Variants in CNTN6 observed in about 807,000 individuals in gnomAD.
CNTN6 encodes contactin 6, also known as contactin-6.
Under a neutral mutation model 122.8 loss-of-function variants are expected in CNTN6, and 137 were observed. That is an observed-to-expected ratio of 1.12 (90% CI 0.97 to 1.29). The LOEUF (loss-of-function observed/expected upper bound fraction) is 1.29, where lower values mean the gene tolerates loss of function less well. CNTN6 is among the 50% of genes most tolerant of loss of function. CNTN6 has a pLI of 0.00. For synonymous variants in CNTN6, 570 were observed against 426.0 expected (o/e 1.34, Z -4.16); for missense variants, 1,634 against 1,223.4 (o/e 1.34, Z -5.01).
chr3:1,216,635 A>G (rs1276773284), intron 2 of CNTN6, among the ~76,000 whole-genome samples: 1 of 152,222 alleles, frequency 6.6e-6, no homozygotes, highest in African/African-American at 2.4e-5. Context: ...ATCAGAGAAC[A>G]AGAGTGGTGA....
intron 1 of CNTN6, among the ~76,000 whole-genome samples, chr3:1,108,009 G>T (rs1054470943): frequency 7.2e-5 from 11 of 152,022 alleles, no homozygotes; most frequent in African/African-American, 2.7e-4. Context: ...AAGGCTCTGG[G>T]TGTTAATGTC....
At chr3:1,129,068 G>A (rs1265832898) in intron 1 of CNTN6, among the ~76,000 whole-genome samples, 1 of 152,016 alleles carries the variant, frequency 6.6e-6, no homozygotes, top group African/African-American at 2.4e-5. Context: ...AAGGGTGTTA[G>A]AATACTAATG....
chr3:1,308,144 A>C (rs1418866364), intron 7 of CNTN6, among the ~76,000 whole-genome samples: 1 of 152,096 alleles, frequency 6.6e-6, no homozygotes, highest in East Asian at 1.9e-4. Context: ...ACTGACTCAC[A>C]TATAATTATT....
intron 20 of CNTN6, among the ~76,000 whole-genome samples, chr3:1,393,463 C>T (rs141607426): frequency 0.097 from 13,217 of 136,046 alleles, 812 homozygotes; most frequent in Non-Finnish European, 0.14. Flanking sequence ...TGCTAGATGA[C>T]GAGTTAGTGG....
intron 4 of CNTN6, among the ~76,000 whole-genome samples, chr3:1,266,131 A>G (rs1009112604): frequency 6.6e-5 from 10 of 152,142 alleles, no homozygotes; most frequent in African/African-American, 2.2e-4. Flanking sequence ...ATCAACATTA[A>G]AAATGATGAC....
chr3:1,164,162 T>C (rs1166722549), intron 2 of CNTN6, among the ~76,000 whole-genome samples: 1 of 152,214 alleles, frequency 6.6e-6, no homozygotes, highest in Non-Finnish European at 1.5e-5. Context: ...TCGTCCTCTG[T>C]TTCCTTCTTC....
At chr3:1,387,580 C>G (rs971863594) in intron 20 of CNTN6, among the ~76,000 whole-genome samples, 3 of 152,030 alleles carry the variant, frequency 2.0e-5, no homozygotes, top group African/African-American at 7.2e-5. Flanking sequence ...GCCAAGATGG[C>G]CGAATAGGAA....
At chr3:1,384,126 C>A (rs1222131737) in intron 19 of CNTN6, among the ~76,000 whole-genome samples, 1 of 152,188 alleles carries the variant, frequency 6.6e-6, no homozygotes, top group Non-Finnish European at 1.5e-5. Context: ...GATGAGTAAG[C>A]TCTAAAGATC....
chr3:1,394,745 A>T (rs1694771933), intron 20 of CNTN6, among the ~76,000 whole-genome samples: 1 of 152,190 alleles, frequency 6.6e-6, no homozygotes, highest in African/African-American at 2.4e-5. Flanking sequence ...AAATTTTTTC[A>T]GTTGACCCAA....
intron 1 of CNTN6, among the ~76,000 whole-genome samples, chr3:1,105,203 G>A (rs996863444): frequency 5.9e-5 from 9 of 152,064 alleles, no homozygotes; most frequent in African/African-American, 1.4e-4. Context: ...AATACTCTCC[G>A]ATTGGATTAC....
chr3:1,338,635 C>A (rs1703441324), intron 11 of CNTN6, among the ~76,000 whole-genome samples: 1 of 152,134 alleles, frequency 6.6e-6, no homozygotes, highest in African/African-American at 2.4e-5. Flanking sequence ...ATAATTGGCT[C>A]TAGAATGGTG....
chr3:1,325,798 T>G lies in CNTN6; in HGVS notation c.947-17T>G, dbSNP rs951915817. 1 of 1,608,802 alleles carries G rather than the reference T, an allele frequency of 6.2e-7. No homozygotes were observed. Among genetic ancestry groups the G allele is most frequent in the Non-Finnish European group, 8.5e-7 (1 of 1,177,222 alleles). ...ACTGCCTTTTACCAAACAGTGGCAC[T>G]TGCCTTTTTGAAACAGCTCCTCCAG... On this transcript the variant is annotated splice_polypyrimidine_tract_variant and intron_variant, in intron 8 of 22. Transcript: ENST00000446702.
At chr3:1,378,831 T>C (rs994388504) in intron 17 of CNTN6, among the ~76,000 whole-genome samples, 12 of 152,316 alleles carry the variant, frequency 7.9e-5, no homozygotes, top group African/African-American at 2.9e-4. Flanking sequence ...ATTGTCTTCA[T>C]GCACTGTGAT....
chr3:1,402,244 A>T, intron 21 of CNTN6, 74 bp from the exon 22 acceptor site: 1 of 1,160,368 alleles, frequency 8.6e-7, no homozygotes, highest in African/African-American at 1.5e-5. Flanking sequence ...TATGTCTTAC[A>T]GTGTTCCAGA....
intron 7 of CNTN6, among the ~76,000 whole-genome samples, chr3:1,318,968 G>C (rs77478984): frequency 0.011 from 1,696 of 151,744 alleles, 30 homozygotes; most frequent in African/African-American, 0.039. Context: ...TACATTACTC[G>C]TCTAAGAAAG....
chr3:1,249,454 G>C (rs1315739625), intron 4 of CNTN6, among the ~76,000 whole-genome samples: 2 of 152,088 alleles, frequency 1.3e-5, no homozygotes, highest in Non-Finnish European at 2.9e-5. Context: ...AAAGCACCAG[G>C]AAAAAAATGT....
chr3:1,243,063 G>A (rs183376331), intron 4 of CNTN6, among the ~76,000 whole-genome samples: 1,830 of 151,550 alleles, frequency 0.012, 43 homozygotes, highest in African/African-American at 0.042. Context: ...ATCAGGCAGC[G>A]TCAGTCTTCA....
intron 2 of CNTN6, among the ~76,000 whole-genome samples, chr3:1,152,423 G>A (rs1399678044): frequency 6.6e-6 from 1 of 152,100 alleles, no homozygotes; most frequent in Non-Finnish European, 1.5e-5. Context: ...ACAGGCATGA[G>A]ACATCACAAC....
At chr3:1,158,488 C>T (rs2093027562) in intron 2 of CNTN6, among the ~76,000 whole-genome samples, 1 of 151,098 alleles carries the variant, frequency 6.6e-6, no homozygotes, top group Non-Finnish European at 1.5e-5. Context: ...TTGGTTGTCT[C>T]TTCACTTCAT....
Sources: allele counts gnomAD v4.1 joint callset (sites outside exome capture counted in the v4.1 genomes callset), GRCh38; gene constraint gnomAD v4.1.1; transcripts MANE v1.5; gene names NCBI Gene and HGNC (gene_info 2026-07-23, HGNC 2026-07-21).